RGS5: variants seen among roughly 807,000 people sequenced by gnomAD.
RGS5 encodes the protein regulator of G protein signaling 5, also known as regulator of G-protein signalling 5.
Under a neutral mutation model 18.9 loss-of-function variants are expected in RGS5, and 20 were observed. The ratio of observed to expected loss-of-function variants is 1.06; its 90% CI spans 0.74 to 1.54. RGS5 has a LOEUF of 1.54. Ranked by LOEUF, RGS5 falls within the 40% of genes most tolerant of loss-of-function variation. The probability of loss-of-function intolerance (pLI) is 0.00; values close to 1 mark genes in which losing one functional copy is unlikely to be tolerated. For synonymous variants in RGS5, 57 were observed against 76.2 expected (o/e 0.75, Z 1.31); for missense variants, 201 against 211.8 (o/e 0.95, Z 0.32).
rs143977215 is a variant in RGS5 at position 163,214,039 on chromosome 1, A to G, written c.69+3487T>C. Among the ~76,000 whole-genome samples, 493 of 151,982 alleles carry G rather than the reference A, an allele frequency of 3.2e-3. 5 individuals are homozygous for G. The highest frequency in any genetic ancestry group is 0.011 in the African/African-American group (469 of 41,444). On this transcript the variant is annotated intron_variant, in intron 1 of 5. Coordinates refer to the RGS5 transcript ENST00000367903. ...TTAATCGATTGAACTCTACTTTCTC[A>G]CCAGTCTTCAAATCCCTCTTCTATT...
chr1:163,160,314 T>C (rs1657751651), intron 3 of RGS5, among the ~76,000 whole-genome samples: 1 of 152,178 alleles, frequency 6.6e-6, no homozygotes, highest in East Asian at 1.9e-4. Context: ...AATTTATCAA[T>C]AGGTCATCTG....
At chr1:163,241,763 C>T (rs925590116) in intron 2 of RGS5, among the ~76,000 whole-genome samples, 4 of 152,156 alleles carry the variant, frequency 2.6e-5, no homozygotes, top group South Asian at 2.1e-4. Context: ...CACAGATATT[C>T]GTGTATAAAA....
At chr1:163,203,793 T>C (rs1379207051), upstream of RGS5, among the ~76,000 whole-genome samples, 1 of 152,174 alleles carries the variant, frequency 6.6e-6, no homozygotes, top group Non-Finnish European at 1.5e-5. Flanking sequence ...GGCTTGTCTT[T>C]CCTTCTCCTT....
intron 2 of RGS5, among the ~76,000 whole-genome samples, chr1:163,235,195 A>C (rs779933461): frequency 2.6e-5 from 4 of 152,188 alleles, no homozygotes; most frequent in Non-Finnish European, 5.9e-5. Flanking sequence ...TCAGAGCATC[A>C]GGCTTAAAAT....
upstream of RGS5, among the ~76,000 whole-genome samples, chr1:163,220,152 C>A (rs1647200954): frequency 6.6e-6 from 1 of 152,126 alleles, no homozygotes; most frequent in Non-Finnish European, 1.5e-5. Context: ...TTCTCTGAAA[C>A]CAGTGAAGTT....
At chr1:163,161,854 T>G in intron 3 of RGS5, 61 bp downstream of exon 3, 1 of 1,262,940 alleles carries the variant, frequency 7.9e-7, no homozygotes, top group Non-Finnish European at 1.2e-6. Flanking sequence ...AATACAAAGA[T>G]GTTTTTTGTT....
chr1:163,267,145 T>A (rs1437511914), intron 2 of RGS5: 1 of 152,034 alleles, frequency 6.6e-6, no homozygotes, highest in Non-Finnish European at 1.5e-5. Flanking sequence ...TGGGATTAGA[T>A]AAAGTCATGG....
Position 163,274,196 on chromosome 1 carries a change from GAC to G in RGS5, c.-281+32035_-281+32036del, listed in dbSNP as rs1648793283. Among the ~76,000 whole-genome samples, 3 of 152,252 alleles carry G rather than the reference GAC, an allele frequency of 2.0e-5. No homozygotes were observed. The South Asian group carries it at 6.2e-4, about 32-fold the overall frequency. On this transcript the variant is annotated intron_variant, in intron 2 of 5. Coordinates refer to the RGS5 transcript ENST00000618415. ...ACACCTGAGTGTATGCTAATCAGGT[GAC>G]AGAGTGGGACTACCAGATAGCCTCA...
chr1:163,280,332 C>A (rs189256283), intron 2 of RGS5, among the ~76,000 whole-genome samples: 2 of 152,100 alleles, frequency 1.3e-5, no homozygotes, highest in Admixed American at 6.6e-5. Flanking sequence ...GAATTTATCC[C>A]ATGGATGCAA....
chr1:163,314,190 T>A (rs1220723646), intron 1 of RGS5, among the ~76,000 whole-genome samples: 2 of 152,184 alleles, frequency 1.3e-5, no homozygotes, highest in African/African-American at 4.8e-5. Context: ...ATGGAAATTA[T>A]CTTAATGGAT....
Position 163,172,671 on chromosome 1 carries a change from A to G in RGS5, c.45-4303T>C, listed in dbSNP as rs112192741. On this transcript the variant is annotated intron_variant, in intron 1 of 4. Coordinates refer to ENST00000313961, the MANE Select transcript of RGS5 (RefSeq NM_003617.4). ...ATGGCTTCAGTTTCTGGCTTGGTAT[A>G]GGCTCAAGTATAGAGCATTATAAAG... 2.1e-4 allele frequency: 316 copies of G among 1,478,584 alleles called. 2 individuals carry two copies. The African/African-American group carries it at 3.5e-3, about 16-fold the overall frequency. 91.6% of individuals were successfully genotyped at this position (1,478,584 alleles called of 1,614,324 possible).
intron 1 of RGS5, among the ~76,000 whole-genome samples, chr1:163,316,519 A>G (rs774476206): frequency 6.6e-6 from 1 of 152,136 alleles, no homozygotes; most frequent in African/African-American, 2.4e-5. Flanking sequence ...GCTTGAGCAC[A>G]GGAGTTTGAG....
chr1:163,147,284 T>G lies in RGS5; in HGVS notation c.*58A>C. On this transcript the variant is annotated 3_prime_UTR_variant, in exon 5 of 5. Transcript: ENST00000313961. ...GGAAGATATGTAGATTAATGGGAAA[T>G]GCAGGGTTATTATGGAGGAAATAAC... The G allele has an allele frequency of 1.3e-6, 2 of 1,498,194 alleles. No homozygotes were observed. Among genetic ancestry groups the G allele is most frequent in the South Asian group, 2.7e-5 (2 of 73,158 alleles). The allele number at this position is 1,498,194 out of a possible 1,614,324, so 92.8% of individuals were successfully genotyped here.
intron 2 of RGS5, among the ~76,000 whole-genome samples, chr1:163,278,960 G>A (rs930405855): frequency 6.6e-6 from 1 of 152,066 alleles, no homozygotes; most frequent in Non-Finnish European, 1.5e-5. Flanking sequence ...ACTATATAAT[G>A]ATAAAGGGGG....
chr1:163,254,574 A>G (rs1648217808), intron 2 of RGS5, among the ~76,000 whole-genome samples: 2 of 152,018 alleles, frequency 1.3e-5, no homozygotes, highest in Admixed American at 6.6e-5. Context: ...TAGGTTGTGA[A>G]AATTTTCTCC....
chr1:163,160,585 G>T (rs754553407), intron 3 of RGS5, among the ~76,000 whole-genome samples: 1 of 152,102 alleles, frequency 6.6e-6, no homozygotes, highest in South Asian at 2.1e-4. Flanking sequence ...GAGACTGTGG[G>T]GTTCTGTCTC....
chr1:163,281,031 G>T (rs1242570721), intron 2 of RGS5, among the ~76,000 whole-genome samples: 1 of 152,072 alleles, frequency 6.6e-6, no homozygotes, highest in Non-Finnish European at 1.5e-5. Flanking sequence ...CATGGGGGTG[G>T]GTCTTTCCTG....
intron 2 of RGS5, among the ~76,000 whole-genome samples, chr1:163,273,365 T>C (rs1265685766): frequency 6.6e-6 from 1 of 152,174 alleles, no homozygotes; most frequent in Non-Finnish European, 1.5e-5. Context: ...TTGTCTATAC[T>C]TTCAATTCTT....
intron 1 of RGS5, among the ~76,000 whole-genome samples, chr1:163,186,038 T>C (rs1466101770): frequency 1.3e-5 from 2 of 151,720 alleles, no homozygotes; most frequent in Non-Finnish European, 1.5e-5. Flanking sequence ...GGCAGTTATA[T>C]GCATCTGGCA....
Sources: gnomAD v4.1 joint callset for allele counts (sites outside exome capture counted in the v4.1 genomes callset) on GRCh38, gnomAD v4.1.1 for gene constraint, MANE v1.5 for transcripts, NCBI Gene and HGNC (gene_info 2026-07-23, HGNC 2026-07-21) for gene names.